NSUN6: variants seen among roughly 807,000 people sequenced by gnomAD.
The protein encoded by NSUN6 is NOP2/Sun RNA methyltransferase 6.
In NSUN6, 64 loss-of-function variants were observed where a neutral mutation model predicts 58.0. That is an observed-to-expected ratio of 1.10 (90% CI 0.90 to 1.36). The LOEUF is 1.36. Among genes scored for constraint, NSUN6 ranks in the 40% most tolerant of loss-of-function variants. NSUN6 has a pLI of 0.00. For synonymous variants in NSUN6, 231 were observed against 193.9 expected, an observed-to-expected ratio of 1.19 and a Z score of -1.59; for missense variants, 701 against 550.1, an observed-to-expected ratio of 1.27 and a Z score of -2.74.
chr10:18,570,155 T>A (rs1403846100), intron 8 of NSUN6, among the ~76,000 whole-genome samples: 1 of 150,716 alleles, frequency 6.6e-6, no homozygotes, highest in Non-Finnish European at 1.5e-5. Context: ...CATTCCATTC[T>A]CCATTCCATT....
chr10:18,626,748 C>A (rs190371334), intron 3 of NSUN6, among the ~76,000 whole-genome samples: 2 of 151,546 alleles, frequency 1.3e-5, no homozygotes, highest in African/African-American at 2.4e-5. Flanking sequence ...GCTTGGGCAA[C>A]AAGGGCAAGA....
chr10:18,628,322 A>T (rs564160741), intron 3 of NSUN6, among the ~76,000 whole-genome samples: 1 of 152,264 alleles, frequency 6.6e-6, no homozygotes, highest in South Asian at 2.1e-4. Flanking sequence ...GAGCAGAAAA[A>T]CTGGAAACTC....
At chr10:18,654,518 A>G (rs574003864), upstream of NSUN6, 2 of 152,338 alleles carry the variant, frequency 1.3e-5, no homozygotes, top group South Asian at 4.1e-4. Flanking sequence ...CCAATCCTGT[A>G]TCAGTACAGC....
At chr10:18,644,529 C>T (rs943046516) in intron 2 of NSUN6, among the ~76,000 whole-genome samples, 4 of 149,278 alleles carry the variant, frequency 2.7e-5, no homozygotes, top group African/African-American at 9.9e-5. Flanking sequence ...TAAGTGCTTA[C>T]ATATGAGTAA....
chr10:18,550,461 G>T (rs950768013), intron 9 of NSUN6, among the ~76,000 whole-genome samples: 2 of 152,146 alleles, frequency 1.3e-5, no homozygotes, highest in African/African-American at 4.8e-5. Flanking sequence ...CTCTAGCCTT[G>T]TATTTTGGAG....
At chr10:18,575,554 C>T (rs2131018945) in intron 8 of NSUN6, among the ~76,000 whole-genome samples, 1 of 152,280 alleles carries the variant, frequency 6.6e-6, no homozygotes, top group Non-Finnish European at 1.5e-5. Flanking sequence ...AAAGCTATCC[C>T]AAACATTAGA....
At chr10:18,617,705 C>A (rs1590081867) in intron 3 of NSUN6, among the ~76,000 whole-genome samples, 1 of 152,226 alleles carries the variant, frequency 6.6e-6, no homozygotes, top group East Asian at 1.9e-4. Flanking sequence ...GTGTTACGGT[C>A]TGGATGTGTC....
chr10:18,613,695 G>T (rs2058315081), intron 5 of NSUN6, among the ~76,000 whole-genome samples: 3 of 152,098 alleles, frequency 2.0e-5, no homozygotes, highest in Admixed American at 2.0e-4. Context: ...TAGATCTAGG[G>T]AATCCAACAG....
At chr10:18,639,736 T>C (rs2059335662) in intron 3 of NSUN6, among the ~76,000 whole-genome samples, 1 of 152,162 alleles carries the variant, frequency 6.6e-6, no homozygotes, top group Non-Finnish European at 1.5e-5. Context: ...TAAAAGTAAG[T>C]ATTGAAAATA....
At chr10:18,628,636 A>G (rs2058914907) in intron 3 of NSUN6, among the ~76,000 whole-genome samples, 2 of 152,258 alleles carry the variant, frequency 1.3e-5, no homozygotes, top group Non-Finnish European at 2.9e-5. Context: ...AATGTGATCA[A>G]CTGGAAGAAA....
At chr10:18,597,332 T>C (rs10828975) in intron 6 of NSUN6, among the ~76,000 whole-genome samples, 53,149 of 152,090 alleles carry the variant, frequency 0.35, 9,868 homozygotes, top group East Asian at 0.74. Context: ...GTTACTTGTT[T>C]GGTTATTTTG....
intron 8 of NSUN6, among the ~76,000 whole-genome samples, chr10:18,569,244 T>C (rs186162954): frequency 1.3e-3 from 192 of 150,866 alleles, no homozygotes; most frequent in African/African-American, 4.5e-3. Context: ...CTCCGTTCCA[T>C]TCCATTCTCC....
At chr10:18,646,619 C>A (rs1438468266) in intron 2 of NSUN6, among the ~76,000 whole-genome samples, 5 of 152,040 alleles carry the variant, frequency 3.3e-5, no homozygotes, top group Non-Finnish European at 5.9e-5. Flanking sequence ...CCAAGGTGGG[C>A]AGATCACAGG....
intron 10 of NSUN6, 145 bp from the exon 11 acceptor site, chr10:18,546,290 G>T: frequency 1.5e-6 from 1 of 685,352 alleles, no homozygotes. Context: ...TCATTTTGGT[G>T]GAACATACGT....
intron 3 of NSUN6, among the ~76,000 whole-genome samples, chr10:18,618,033 T>G (rs1397962779): frequency 6.6e-6 from 1 of 152,204 alleles, no homozygotes; most frequent in Non-Finnish European, 1.5e-5. Context: ...AAAAATAAAC[T>G]AAGACACTCA....
At chr10:18,591,974 G>A (rs573361779) in intron 7 of NSUN6, among the ~76,000 whole-genome samples, 4 of 152,152 alleles carry the variant, frequency 2.6e-5, no homozygotes, top group African/African-American at 7.2e-5. Context: ...AAACCCCATC[G>A]TCTCAGCCCA....
At chr10:18,560,667 A>G (rs1270187800) in intron 8 of NSUN6, among the ~76,000 whole-genome samples, 1 of 148,108 alleles carries the variant, frequency 6.8e-6, no homozygotes, top group African/African-American at 2.5e-5. Context: ...TGGAGAATGG[A>G]GAATGGAATG....
intron 3 of NSUN6, among the ~76,000 whole-genome samples, chr10:18,638,082 G>C (rs183924788): frequency 1.3e-5 from 2 of 152,286 alleles, no homozygotes; most frequent in Admixed American, 1.3e-4. Flanking sequence ...AAAAACCTAA[G>C]TGAACTATCT....
intron 8 of NSUN6, among the ~76,000 whole-genome samples, chr10:18,569,917 T>C (rs1046112372): frequency 6.6e-6 from 1 of 150,842 alleles, no homozygotes. Flanking sequence ...CCATTCTCCA[T>C]TCCATTCCTT....
Sources: allele counts gnomAD v4.1 joint callset (sites outside exome capture counted in the v4.1 genomes callset), GRCh38; gene constraint gnomAD v4.1.1; transcripts MANE v1.5; gene names NCBI Gene and HGNC (gene_info 2026-07-23, HGNC 2026-07-21).